BCAS3: variants seen among roughly 807,000 people sequenced by gnomAD.
The protein encoded by BCAS3 is BCAS3 microtubule associated cell migration factor.
Under a neutral mutation model 116.1 loss-of-function variants are expected in BCAS3, and 53 were observed. The observed-to-expected ratio is 0.46, with a 90% CI of 0.37 to 0.57. BCAS3 has a LOEUF of 0.57. Among genes scored for constraint, BCAS3 ranks in the 20% least tolerant of loss-of-function variants. The pLI is 0.00. For synonymous variants in BCAS3, 391 were observed against 408.2 expected (o/e 0.96, Z 0.51); for missense variants, 917 against 1,165.4 (o/e 0.79, Z 3.10).
intron 22 of BCAS3, among the ~76,000 whole-genome samples, chr17:61,290,364 A>G (rs2052263796): frequency 1.3e-5 from 2 of 152,152 alleles, no homozygotes; most frequent in African/African-American, 4.8e-5. Context: ...TATAGATGAA[A>G]AAAGAGTGGC....
intron 22 of BCAS3, among the ~76,000 whole-genome samples, chr17:61,350,179 G>A (rs2057744657): frequency 6.6e-6 from 1 of 151,898 alleles, no homozygotes; most frequent in Non-Finnish European, 1.5e-5. Flanking sequence ...ATTACAGAGT[G>A]CTGTAATCCC....
At position 60,859,409 on chromosome 17, in the gene BCAS3, T is replaced by G. The variant is rs2053968255; in HGVS notation, c.477-9167T>G. ...CCTTCCTTGTGTCCATGTGAATTCA[T>G]TGTTTAGCTCCCACTTAGAAGTGAG... On this transcript the variant is annotated intron_variant, in intron 7 of 23. Transcript: ENST00000407086. Among the ~76,000 whole-genome samples the G allele has an allele frequency of 2.0e-5, 3 of 152,074 alleles. No individual in the cohort carries two copies. The South Asian group carries it at 6.2e-4, about 32-fold the overall frequency.
intron 12 of BCAS3, 107 bp downstream of exon 12, chr17:60,910,809 T>A: frequency 9.5e-7 from 1 of 1,048,646 alleles, no homozygotes. Context: ...ATTTGGAATT[T>A]TAGGAATTCA....
intron 13 of BCAS3, among the ~76,000 whole-genome samples, chr17:60,939,049 C>T (rs2060091658): frequency 6.6e-6 from 1 of 152,094 alleles, no homozygotes; most frequent in South Asian, 2.1e-4. Flanking sequence ...CAATTTCTCT[C>T]CTAAATATTC....
chr17:60,814,177 A>G (rs2049106648), intron 7 of BCAS3, among the ~76,000 whole-genome samples: 1 of 151,316 alleles, frequency 6.6e-6, no homozygotes, highest in South Asian at 2.1e-4. Flanking sequence ...ATGTTTTTCC[A>G]TTTGTTTGTA....
At chr17:61,257,187 C>T (rs1034872759) in intron 22 of BCAS3, among the ~76,000 whole-genome samples, 7 of 151,922 alleles carry the variant, frequency 4.6e-5, no homozygotes, top group African/African-American at 1.2e-4. Flanking sequence ...TTTGGGAGGC[C>T]GAGGCAGGCA....
rs2058043600 is a variant in BCAS3, at chr17:60,903,731, C to A, written c.822+1028C>A. On this transcript the variant is annotated intron_variant, in intron 11 of 23. Transcript: ENST00000407086. ...TACAGGTGTGCATCACCGCACCCAG[C>A]AATTGCAGAAATCTTAATAAAGATT... Among the ~76,000 whole-genome samples, 10 of 152,296 alleles carry A rather than the reference C, an allele frequency of 6.6e-5. No individual in the cohort carries two copies. In the South Asian group the frequency reaches 2.1e-3, roughly 32 times the overall value.
At position 61,324,822 on chromosome 17, in the gene BCAS3, GAA is replaced by G. The variant is rs552000873; in HGVS notation, c.2426-43491_2426-43490del. Among the ~76,000 whole-genome samples, 8 of 124,736 alleles carry G rather than the reference GAA, an allele frequency of 6.4e-5. No individual in the cohort carries two copies. The highest frequency in any genetic ancestry group is 8.4e-5 in the Admixed American group (1 of 11,864). 81.8% of individuals were successfully genotyped at this position (124,736 alleles called of 152,430 possible). A position where few individuals can be genotyped will look rare whatever the true frequency, so the allele number is the denominator to read the frequency against. The stretch of plus-strand genomic sequence containing the variant: ...CAACCTAGTGAGACCTCATCTCTAT[GAA>G]AAAAAAAAAAAAAGAAGAAACAAAA... On this transcript the variant is annotated intron_variant, in intron 22 of 23. Coordinates refer to ENST00000407086, the MANE Select transcript of BCAS3 (RefSeq NM_017679.5). This position sits in a 1 kb window ranked among gnomAD's most constrained non-coding sequence, Gnocchi z 4.6.
chr17:61,176,138 C>CAAAAAAAAAAAAA (rs534042215), intron 22 of BCAS3, among the ~76,000 whole-genome samples: 26 of 49,938 alleles, frequency 5.2e-4, no homozygotes, highest in Admixed American at 7.4e-4. Flanking sequence ...GACCCTATCT[C>CAAAAAAAAAAAAA]AAAAAAAAAA....
chr17:60,879,981 A>G (rs1424922007), intron 9 of BCAS3, among the ~76,000 whole-genome samples: 1 of 152,198 alleles, frequency 6.6e-6, no homozygotes, highest in Non-Finnish European at 1.5e-5. Flanking sequence ...AGTTCTCCAT[A>G]AGATGGAAAA....
chr17:60,983,454 G>A (rs1337775133), intron 14 of BCAS3, among the ~76,000 whole-genome samples: 1 of 151,920 alleles, frequency 6.6e-6, no homozygotes, highest in African/African-American at 2.4e-5. Flanking sequence ...TTATTTAAAG[G>A]ATTAAACTTT....
intron 15 of BCAS3, among the ~76,000 whole-genome samples, chr17:61,006,122 T>C (rs1466142586): frequency 6.6e-6 from 1 of 152,160 alleles, no homozygotes; most frequent in African/African-American, 2.4e-5. Context: ...ACAAAGGACA[T>C]GAACTCATCA....
At position 61,189,127 on chromosome 17, in the gene BCAS3, GA is replaced by G. The variant is rs2079952066; in HGVS notation, c.2425+104564del. ...GAAAACAAAACAAAACAAAAAAAGA[GA>G]GAGAGAGAGAGAACAGCACACTTCA... is the stretch of plus-strand genomic sequence containing the variant. On this transcript the variant is annotated intron_variant, in intron 22 of 23. Transcript: ENST00000407086. The surrounding 1 kb of genome is among the most constrained non-coding windows in gnomAD (Gnocchi z 4.5). 6.6e-6 allele frequency among the ~76,000 whole-genome samples: 1 copy of G among 152,066 alleles called. No homozygotes were observed. The highest frequency in any genetic ancestry group is 2.4e-5 in the African/African-American group (1 of 41,406).
intron 23 of BCAS3, among the ~76,000 whole-genome samples, chr17:61,386,715 G>A (rs1437265928): frequency 6.6e-6 from 1 of 151,964 alleles, no homozygotes; most frequent in Non-Finnish European, 1.5e-5. Context: ...TGATTGGCCA[G>A]ACGTCCAGGT....
In BCAS3 at chr17:60,749,756, C is replaced by T. The variant is rs374970582; in HGVS notation, c.403+2477C>T. ...TCTTCTTTCCCTCCCTTTCTTCTTT[C>T]TTGGTATACTTTACATACAAATAAG... On this transcript the variant is annotated intron_variant, in intron 6 of 23. Coordinates refer to ENST00000407086, the MANE Select transcript of BCAS3 (RefSeq NM_017679.5). Among the ~76,000 whole-genome samples the T allele has an allele frequency of 2.0e-5, 3 of 152,036 alleles. No homozygotes were observed. In the East Asian group the frequency reaches 5.8e-4, roughly 29 times the overall value.
chr17:61,296,860 C>T (rs1431457633), intron 22 of BCAS3, among the ~76,000 whole-genome samples: 1 of 152,196 alleles, frequency 6.6e-6, no homozygotes, highest in Non-Finnish European at 1.5e-5. Flanking sequence ...GGACATAAGA[C>T]ATAAATGCTT....
chr17:60,775,640 A>T (rs990070856), intron 6 of BCAS3, among the ~76,000 whole-genome samples: 1 of 151,790 alleles, frequency 6.6e-6, no homozygotes, highest in South Asian at 2.1e-4. Flanking sequence ...AAGTGAATTT[A>T]TGTAAATTTA....
In BCAS3 at chr17:60,995,680, T is replaced by A. The variant is rs2063795115; in HGVS notation, c.1486+5445T>A. On this transcript the variant is annotated intron_variant, in intron 15 of 23. Transcript: ENST00000407086. The surrounding 1 kb of genome is among the most constrained non-coding windows in gnomAD (Gnocchi z 4.7). ...AACAATTTAGATTTAAATAATTACT[T>A]GTTAGAATGAAGAGCTTTTTATTCA... 1.3e-5 allele frequency among the ~76,000 whole-genome samples: 2 copies of A among 152,160 alleles called. No homozygotes were observed. Among genetic ancestry groups the A allele is most frequent in the African/African-American group, 4.8e-5 (2 of 41,422 alleles).
Position 61,213,572 on chromosome 17 carries a change from T to C in BCAS3, c.2425+129008T>C, listed in dbSNP as rs2081601337. Among the ~76,000 whole-genome samples, 1 of 152,198 alleles carries C rather than the reference T, an allele frequency of 6.6e-6. No homozygotes were observed. The highest frequency in any genetic ancestry group is 1.5e-5 in the Non-Finnish European group (1 of 68,034). ...AAAAGTATTGCTATAACCATCCTAC[T>C]TCAAATTCCTAGAATAATCTTTCCC... is the stretch of plus-strand genomic sequence containing the variant. On this transcript the variant is annotated intron_variant, in intron 22 of 23. Transcript: ENST00000407086. This position sits in a 1 kb window ranked among gnomAD's most constrained non-coding sequence, Gnocchi z 5.4.
Sources: allele counts gnomAD v4.1 joint callset (sites outside exome capture counted in the v4.1 genomes callset), GRCh38; gene constraint gnomAD v4.1.1; non-coding constraint Gnocchi (gnomAD v3.1); transcripts MANE v1.5; gene names NCBI Gene and HGNC (gene_info 2026-07-23, HGNC 2026-07-21).